The following TENT4B variants were observed in gnomAD, a reference collection of about 807,000 sequenced individuals.
The protein encoded by TENT4B is PAP associated domain containing 5.
A neutral mutation model predicts 75.0 loss-of-function variants in TENT4B; 10 were observed. The observed-to-expected ratio is 0.13, with a 90% CI of 0.08 to 0.23. The LOEUF (loss-of-function observed/expected upper bound fraction) is 0.23. Among genes scored for constraint, TENT4B ranks in the 10% least tolerant of loss-of-function variants. The pLI is 1.00. For synonymous variants in TENT4B, 350 were observed against 357.7 expected (o/e 0.98, Z 0.24); for missense variants, 579 against 893.8 (o/e 0.65, Z 4.49).
rs755395130 is a variant in TENT4B, at chr16:50,153,841, TCGGCCC to T, written c.238_243del (p.Pro80_Ala81del). On this transcript the variant is annotated inframe_deletion, in exon 1 of 12. Coordinates refer to ENST00000561678, the MANE Select transcript of TENT4B (RefSeq NM_001365324.3). ...CACCGGCAGCCCCGGCGGCGCGGCC[TCGGCCC>T]CGGCCCCGGCCCCGGCCGGCATGTA... 552 of 1,273,294 alleles carry T rather than the reference TCGGCCC, an allele frequency of 4.3e-4. 1 individual carries two copies. The highest frequency in any genetic ancestry group is 2.5e-3 in the African/African-American group (157 of 63,940). 78.9% of individuals were successfully genotyped at this position (1,273,294 alleles called of 1,614,324 possible). A position where few individuals can be genotyped will look rare whatever the true frequency, so the allele number is the denominator to read the frequency against.
intron 5 of TENT4B, 73 bp from the exon 6 acceptor site, chr16:50,222,233 A>T: frequency 7.2e-7 from 1 of 1,389,348 alleles, no homozygotes. Flanking sequence ...GTAAGGACCA[A>T]TTTATGCCCC....
intron 1 of TENT4B, among the ~76,000 whole-genome samples, chr16:50,197,105 T>G (rs1317478637): frequency 6.7e-6 from 1 of 149,308 alleles, no homozygotes; most frequent in Non-Finnish European, 1.5e-5. Flanking sequence ...AGACCCCATC[T>G]CTAAAAAAAA....
intron 10 of TENT4B, among the ~76,000 whole-genome samples, chr16:50,227,295 G>A (rs1011616718): frequency 3.3e-5 from 5 of 152,196 alleles, no homozygotes; most frequent in African/African-American, 1.2e-4. Flanking sequence ...CTGACATGCT[G>A]GGTAGAGTGC....
In TENT4B at chr16:50,234,157, T is replaced by A. The variant is rs1297122561; in HGVS notation, c.*4829T>A. 1 of 985,314 alleles carries A rather than the reference T, an allele frequency of 1.0e-6. No individual in the cohort carries two copies. Among genetic ancestry groups the A allele is most frequent in the East Asian group, 1.1e-4 (1 of 8,824 alleles). 61.0% of individuals were successfully genotyped at this position (985,314 alleles called of 1,614,324 possible). A position where few individuals can be genotyped will look rare whatever the true frequency, so the allele number is the denominator to read the frequency against. ...ATAGTACCAGTGAGAAACTATGAAG[T>A]AAACAAGTTGCTCAGGCCGGGCATG... On this transcript the variant is annotated 3_prime_UTR_variant, in exon 12 of 12. Coordinates refer to ENST00000561678, the MANE Select transcript of TENT4B (RefSeq NM_001365324.3).
intron 1 of TENT4B, among the ~76,000 whole-genome samples, chr16:50,170,311 A>G (rs981316223): frequency 6.6e-6 from 1 of 151,870 alleles, no homozygotes; most frequent in East Asian, 1.9e-4. Context: ...GAGCCACCAC[A>G]CCTGGGCAAC....
chr16:50,182,948 G>C (rs1284148891), intron 1 of TENT4B, among the ~76,000 whole-genome samples: 1 of 118,836 alleles, frequency 8.4e-6, no homozygotes, highest in Non-Finnish European at 1.6e-5. Flanking sequence ...GCCTAGGCTG[G>C]GCTCAAGCAA....
At chr16:50,189,602 C>T (rs1167529633) in intron 1 of TENT4B, among the ~76,000 whole-genome samples, 1 of 152,022 alleles carries the variant, frequency 6.6e-6, no homozygotes, top group Non-Finnish European at 1.5e-5. Flanking sequence ...TTAGTGTGGA[C>T]TCCTCTGTAT....
chr16:50,230,700 T>C lies in TENT4B; in HGVS notation c.*1372T>C. ...TTTAAACATTGGCTTGTTTCAATCA[T>C]ACTGTAAATTTTGGTTGTAGTCAGC... On this transcript the variant is annotated 3_prime_UTR_variant, in exon 12 of 12. Coordinates refer to ENST00000561678, the MANE Select transcript of TENT4B (RefSeq NM_001365324.3). The C allele has an allele frequency of 1.0e-6, 1 of 985,698 alleles. No individual in the cohort carries two copies. Among genetic ancestry groups the C allele is most frequent in the Non-Finnish European group, 1.2e-6 (1 of 829,776 alleles). 61.1% of individuals were successfully genotyped at this position (985,698 alleles called of 1,614,324 possible). A position where few individuals can be genotyped will look rare whatever the true frequency, so the allele number is the denominator to read the frequency against.
chr16:50,177,279 A>G (rs1411543308), intron 1 of TENT4B, among the ~76,000 whole-genome samples: 2 of 152,164 alleles, frequency 1.3e-5, no homozygotes. Flanking sequence ...CTGGGATTAC[A>G]GGCGTGAGTC....
rs71138048 is a variant in TENT4B at position 50,159,246 on chromosome 16, G to GTT, written c.638+5002_638+5003dup. ...GCTCCCTCCCTCTCTCTCTCTTTCT[G>GTT]TTTTTTTTTTTTTTTTAGACGGAGT... On this transcript the variant is annotated intron_variant, in intron 1 of 11. Coordinates refer to ENST00000561678, the MANE Select transcript of TENT4B (RefSeq NM_001365324.3). Among the ~76,000 whole-genome samples the GTT allele has an allele frequency of 8.8e-5, 12 of 136,424 alleles. No homozygotes were observed. The East Asian group carries it at 1.5e-3, about 17-fold the overall frequency. 89.5% of individuals were successfully genotyped at this position (136,424 alleles called of 152,430 possible).
chr16:50,232,080 T>C lies in TENT4B; in HGVS notation c.*2752T>C, dbSNP rs2032313080. On this transcript the variant is annotated 3_prime_UTR_variant, in exon 12 of 12. Coordinates refer to ENST00000561678, the MANE Select transcript of TENT4B (RefSeq NM_001365324.3). ...TATGTGTACCTGGCCATTAGAAATA[T>C]TAATATTTAAAGACTGTTTTTTAGA... The C allele has an allele frequency of 8.1e-6, 8 of 985,270 alleles. No individual in the cohort carries two copies. The highest frequency in any genetic ancestry group is 9.6e-6 in the Non-Finnish European group (8 of 829,924). 61.0% of individuals were successfully genotyped at this position (985,270 alleles called of 1,614,324 possible). A position where few individuals can be genotyped will look rare whatever the true frequency, so the allele number is the denominator to read the frequency against.
At chr16:50,185,523 G>A (rs74561579) in intron 1 of TENT4B, among the ~76,000 whole-genome samples, 47 of 152,292 alleles carry the variant, frequency 3.1e-4, no homozygotes, top group Non-Finnish European at 3.2e-4. Flanking sequence ...TGGGTCATCT[G>A]TTCATTCACT....
chr16:50,194,164 A>G (rs1335986340), intron 1 of TENT4B, among the ~76,000 whole-genome samples: 1 of 150,266 alleles, frequency 6.7e-6, no homozygotes, highest in African/African-American at 2.4e-5. Context: ...CTCTTTTGAG[A>G]TAGTATCTTC....
intron 1 of TENT4B, among the ~76,000 whole-genome samples, chr16:50,170,347 G>A (rs781591123): frequency 2.0e-5 from 3 of 152,122 alleles, no homozygotes; most frequent in Non-Finnish European, 4.4e-5. Flanking sequence ...TAACCTTCAT[G>A]TGAATCATTC....
At chr16:50,229,102 C>T (rs2032182755) in intron 11 of TENT4B, 50 bp from the exon 12 acceptor site, 1 of 1,594,552 alleles carries the variant, frequency 6.3e-7, no homozygotes. Flanking sequence ...TGAGAACACT[C>T]TGCTTTTCTG....
intron 1 of TENT4B, among the ~76,000 whole-genome samples, chr16:50,192,006 G>T (rs1596696957): frequency 6.6e-6 from 1 of 152,216 alleles, no homozygotes; most frequent in East Asian, 1.9e-4. Context: ...GCTTTGAGAG[G>T]CCGAGGTGGG....
chr16:50,213,623 G>T (rs2031399413), intron 2 of TENT4B, among the ~76,000 whole-genome samples: 5 of 152,164 alleles, frequency 3.3e-5, no homozygotes, highest in Admixed American at 3.3e-4. Flanking sequence ...GAACATTAGT[G>T]ATCTGAACTG....
chr16:50,203,568 C>T lies in TENT4B; in HGVS notation c.639-7755C>T, dbSNP rs373157297. 3.5e-4 allele frequency among the ~76,000 whole-genome samples: 53 copies of T among 152,230 alleles called. No homozygotes were observed. In the East Asian group the frequency reaches 6.6e-3, roughly 19 times the overall value. On this transcript the variant is annotated intron_variant, in intron 1 of 11. Transcript: ENST00000561678. Reference sequence around the variant, plus strand: ...CTGTGCACATGCAGACTTCCTTTGCCTACATTCTGAAAGGTGTAATTGCCT... The same window carrying T: ...CTGTGCACATGCAGACTTCCTTTGCTTACATTCTGAAAGGTGTAATTGCCT...
chr16:50,172,197 T>A (rs1029745168), intron 1 of TENT4B, among the ~76,000 whole-genome samples: 1 of 151,800 alleles, frequency 6.6e-6, no homozygotes, highest in South Asian at 2.1e-4. Context: ...TAAACAGAAG[T>A]ACAGAAATTA....
Sources: gnomAD v4.1 joint callset for allele counts (sites outside exome capture counted in the v4.1 genomes callset) on GRCh38, gnomAD v4.1.1 for gene constraint, MANE v1.5 for transcripts, NCBI Gene and HGNC (gene_info 2026-07-23, HGNC 2026-07-21) for gene names.